CALD1: variants seen among roughly 807,000 people sequenced by gnomAD.
CALD1 encodes caldesmon 1, also known as caldesmon.
In CALD1, 33 loss-of-function variants were observed where a neutral mutation model predicts 99.9. That is an observed-to-expected ratio of 0.33 (90% CI 0.25 to 0.44). The LOEUF is 0.44. CALD1 is among the 20% of genes least tolerant of loss of function. CALD1 has a pLI of 1.00. For missense variants in CALD1, 861 were observed against 962.1 expected, an observed-to-expected ratio of 0.89 and a Z score of 1.39; for synonymous variants, 310 against 325.0, an observed-to-expected ratio of 0.95 and a Z score of 0.50.
chr7:134,822,634 C>T (rs1021884516), intron 1 of CALD1, among the ~76,000 whole-genome samples: 2 of 152,188 alleles, frequency 1.3e-5, no homozygotes, highest in African/African-American at 4.8e-5. Context: ...AATGCTAACA[C>T]TCACTGTAAA....
chr7:134,933,279 G>C lies in CALD1; in HGVS notation c.510G>C (p.Lys170Asn). Reference protein sequence around the residue: ...YEIEETETVTKSYQKNDWRDA... With the variant: ...YEIEETETVTNSYQKNDWRDA... ...TAGAGGAAACAGAAACAGTCACCAA[G>C]TCCTACCAGAAGAATGATTGGAGGG... is the stretch of plus-strand genomic sequence containing the variant. The change falls in exon 5 of 15, where the codon AAG becomes AAC. Residue 170 changes from lysine (K) to asparagine (N), a missense_variant. Around this residue, in one of 5 missense-constraint regions of CALD1, gnomAD observed 234 missense variants for 233.1 expected, o/e 1.00. Transcript: ENST00000361675. The C allele has an allele frequency of 6.2e-7, 1 of 1,605,558 alleles. No homozygotes were observed. Among genetic ancestry groups the C allele is most frequent in the South Asian group, 1.1e-5 (1 of 89,542 alleles).
intron 4 of CALD1, among the ~76,000 whole-genome samples, chr7:134,929,347 G>A (rs1563104635): frequency 1.3e-5 from 2 of 151,468 alleles, no homozygotes; most frequent in African/African-American, 4.9e-5. Flanking sequence ...CTCGTCACCC[G>A]AGCAGTACAC....
chr7:134,778,228 T>C (rs1270221196), upstream of CALD1, among the ~76,000 whole-genome samples: 1 of 152,164 alleles, frequency 6.6e-6, no homozygotes, highest in African/African-American at 2.4e-5. Context: ...CTGGGTAACT[T>C]GTTAATGCTG....
intron 3 of CALD1, among the ~76,000 whole-genome samples, chr7:134,922,573 T>G (rs1804693770): frequency 6.6e-6 from 1 of 152,174 alleles, no homozygotes. Flanking sequence ...TTGCAGAAGT[T>G]TTGAGAAATA....
intron 8 of CALD1, among the ~76,000 whole-genome samples, chr7:134,949,991 T>G (rs1193382150): frequency 6.6e-6 from 1 of 152,218 alleles, no homozygotes; most frequent in Non-Finnish European, 1.5e-5. Flanking sequence ...AAAGCCATCC[T>G]GGGCATGATG....
At chr7:134,850,315 A>T (rs1800023505) in intron 2 of CALD1, among the ~76,000 whole-genome samples, 1 of 152,164 alleles carries the variant, frequency 6.6e-6, no homozygotes, top group Admixed American at 6.6e-5. Context: ...ACAGTCTACT[A>T]TGTATTATCC....
Position 134,933,249 on chromosome 7 carries a change from C to A in CALD1, c.480C>A (p.Tyr160Ter). The stretch of plus-strand genomic sequence containing the variant: ...AAAGTGAAAGTCGCCAAGAAAGATA[C>A]GAGATAGAGGAAACAGAAACAGTCA... Reference protein sequence around the residue: ...EEKSESRQERYEIEETETVTK... With the variant: ...EEKSESRQER Residue 160 changes from tyrosine to a stop codon, truncating the protein, a stop_gained, in exon 5 of 15, where the codon TAC becomes TAA. Transcript: ENST00000361675. LOFTEE classifies it high-confidence loss of function. 6.2e-7 allele frequency: 1 copy of A among 1,602,716 alleles called. No homozygotes were observed. Among genetic ancestry groups the A allele is most frequent in the Non-Finnish European group, 8.5e-7 (1 of 1,175,956 alleles).
chr7:134,733,764 G>A, the CALD1 span, among the ~76,000 whole-genome samples: 4 of 150,072 alleles, frequency 2.7e-5, 1 homozygote, highest in Middle Eastern at 9.6e-3. Flanking sequence ...AGCTGAGATC[G>A]CACCACTGCA....
chr7:134,899,948 G>A (rs1802870661), intron 3 of CALD1: 1 of 152,146 alleles, frequency 6.6e-6, no homozygotes, highest in Admixed American at 6.5e-5. Flanking sequence ...CACCCAGTCT[G>A]TTTGCTGATC....
intron 14 of CALD1, among the ~76,000 whole-genome samples, chr7:134,966,532 G>A (rs1040284055): frequency 6.6e-6 from 1 of 152,150 alleles, no homozygotes; most frequent in African/African-American, 2.4e-5. Flanking sequence ...ACCATGTGAG[G>A]TAAGTAGTTT....
chr7:134,754,809 A>G (rs1796713810), intron 1 of CALD1, among the ~76,000 whole-genome samples: 1 of 152,212 alleles, frequency 6.6e-6, no homozygotes, highest in Admixed American at 6.5e-5. Flanking sequence ...CAATTGTATA[A>G]ATACAATGTA....
chr7:134,715,499 A>G, the CALD1 span, among the ~76,000 whole-genome samples: 1 of 152,182 alleles, frequency 6.6e-6, no homozygotes, highest in African/African-American at 2.4e-5. Context: ...TATGGTCAGC[A>G]TTGTGCTCTC....
chr7:134,850,476 A>G (rs1424503283), intron 2 of CALD1, among the ~76,000 whole-genome samples: 1 of 152,192 alleles, frequency 6.6e-6, no homozygotes, highest in Non-Finnish European at 1.5e-5. Context: ...CTGTCTTTTC[A>G]TCTGTAAAAT....
chr7:134,809,426 A>G (rs1167614556), intron 1 of CALD1, among the ~76,000 whole-genome samples: 2 of 152,182 alleles, frequency 1.3e-5, no homozygotes, highest in Non-Finnish European at 1.5e-5. Context: ...CTCATCCATT[A>G]AAAGATAGGG....
At chr7:134,956,497 C>T (rs1000594818) in intron 9 of CALD1, among the ~76,000 whole-genome samples, 3 of 152,200 alleles carry the variant, frequency 2.0e-5, no homozygotes, top group Non-Finnish European at 4.4e-5. Context: ...CCTCTCTATT[C>T]TGCACTATAT....
Position 134,933,592 on chromosome 7 carries a change from G to A in CALD1, c.823G>A (p.Glu275Lys). 1 of 1,613,022 alleles carries A rather than the reference G, an allele frequency of 6.2e-7. No homozygotes were observed. The highest frequency in any genetic ancestry group is 1.1e-5 in the South Asian group (1 of 90,802). ...AEAERARLEA[E>K]ERERIKAEQD... ...GGCAGAGAGGGCAAGGTTGGAAGCA[G>A]AAGAAAGAGAAAGAATTAAAGCCGA... The change falls in exon 5 of 15, where the codon GAA (glutamate) becomes AAA (lysine). Residue 275 changes from glutamate (E) to lysine (K), a missense_variant. Around this residue, in one of 5 missense-constraint regions of CALD1, gnomAD observed 234 missense variants for 233.1 expected, o/e 1.00. Transcript: ENST00000361675.
chr7:134,847,894 A>C (rs1463877680), intron 2 of CALD1, among the ~76,000 whole-genome samples: 1 of 152,170 alleles, frequency 6.6e-6, no homozygotes, highest in African/African-American at 2.4e-5. Context: ...GAAAAGAATG[A>C]TTGTGCTATT....
At chr7:134,865,842 C>A (rs1161186131) in intron 2 of CALD1, among the ~76,000 whole-genome samples, 1 of 152,288 alleles carries the variant, frequency 6.6e-6, no homozygotes, top group East Asian at 1.9e-4. Context: ...GCCAGAATGA[C>A]TACTTAAATT....
chr7:134,875,371 C>G (rs779964452), intron 3 of CALD1, among the ~76,000 whole-genome samples: 19 of 152,212 alleles, frequency 1.2e-4, no homozygotes, highest in African/African-American at 4.3e-4. Context: ...CGCGGTGGCT[C>G]ACGCCTGTAA....
Sources: allele counts gnomAD v4.1 joint callset (sites outside exome capture counted in the v4.1 genomes callset), GRCh38; gene constraint gnomAD v4.1.1; regional missense constraint gnomAD v4.1.1; transcripts MANE v1.5; gene names NCBI Gene and HGNC (gene_info 2026-07-23, HGNC 2026-07-21).